Variants in GON4L observed in about 807,000 individuals in gnomAD.
The protein encoded by GON4L is GON-4-like protein.
In GON4L, 87 loss-of-function variants were observed where a neutral mutation model predicts 211.8. The ratio of observed to expected loss-of-function variants is 0.41; its 90% CI spans 0.35 to 0.49. GON4L has a LOEUF of 0.49. GON4L is among the 20% of genes least tolerant of loss of function. GON4L has a pLI of 0.15. For missense variants in GON4L, 2,155 were observed against 2,659.5 expected (o/e 0.81, Z 4.17); for synonymous variants, 875 against 962.6 (o/e 0.91, Z 1.68).
intron 15 of GON4L, 68 bp from the exon 16 acceptor site, chr1:155,776,549 C>T (rs1571703945): frequency 1.3e-6 from 1 of 782,112 alleles, no homozygotes; most frequent in East Asian, 3.3e-5. Context: ...CCAGAGAGAT[C>T]TTTTTTTTTT....
intron 4 of GON4L, 57 bp from the exon 5 acceptor site, chr1:155,821,605 T>G: frequency 1.0e-6 from 1 of 958,060 alleles, no homozygotes; most frequent in Non-Finnish European, 1.7e-6. Context: ...TAGACAATAC[T>G]CATCTCTCCA....
intron 12 of GON4L, among the ~76,000 whole-genome samples, chr1:155,788,258 G>A (rs1381569119): frequency 6.6e-6 from 1 of 152,136 alleles, no homozygotes; most frequent in East Asian, 1.9e-4. Flanking sequence ...ATCCCAAAGT[G>A]CTGGGATTAC....
At chr1:155,801,405 T>C (rs1301262830) in intron 11 of GON4L, among the ~76,000 whole-genome samples, 2 of 152,264 alleles carry the variant, frequency 1.3e-5, no homozygotes. Context: ...GAACTGATTC[T>C]ATACTTTGCA....
At chr1:155,799,952 G>A (rs1666467650) in intron 11 of GON4L, among the ~76,000 whole-genome samples, 1 of 152,222 alleles carries the variant, frequency 6.6e-6, no homozygotes, top group Admixed American at 6.5e-5. Context: ...TGTAGTCCCA[G>A]AACTTTGGGA....
chr1:155,785,973 G>C (rs1664901426), intron 12 of GON4L, among the ~76,000 whole-genome samples: 1 of 152,112 alleles, frequency 6.6e-6, no homozygotes. Context: ...GTGGGCGCCT[G>C]TAGTCCCAGC....
intron 14 of GON4L, among the ~76,000 whole-genome samples, chr1:155,779,835 T>C (rs1029477083): frequency 5.3e-5 from 8 of 151,274 alleles, no homozygotes; most frequent in Middle Eastern, 3.2e-3. Context: ...TCTTGCTCTG[T>C]CGCCCAGGCT....
intron 2 of GON4L, among the ~76,000 whole-genome samples, chr1:155,828,369 T>C (rs1669414856): frequency 6.6e-6 from 1 of 151,450 alleles, no homozygotes; most frequent in Admixed American, 6.6e-5. Flanking sequence ...CAGGCACCTG[T>C]AATCCCAGTT....
chr1:155,811,920 TGGG>T (rs1667827837), intron 10 of GON4L, among the ~76,000 whole-genome samples: 2 of 146,332 alleles, frequency 1.4e-5, no homozygotes, highest in African/African-American at 2.5e-5. Flanking sequence ...GGCGTGGTGG[TGGG>T]CACCTGTAAT....
At position 155,790,041 on chromosome 1, in the gene GON4L, G is replaced by T. The variant is rs188665300; in HGVS notation, c.1748-4667C>A. ...GCAACCTTGAACTTCTGGGCTCAAG[G>T]GATCCTCCTGACTCTGTCTCCAGAG... On this transcript the variant is annotated intron_variant, in intron 12 of 31. Transcript: ENST00000368331. Among the ~76,000 whole-genome samples the T allele has an allele frequency of 4.2e-4, 64 of 152,016 alleles. No homozygotes were observed. In the Middle Eastern group the frequency reaches 0.024, roughly 57 times the overall value.
At chr1:155,814,523 G>C (rs1323647461) in intron 8 of GON4L, 74 bp from the exon 9 acceptor site, 4 of 1,429,938 alleles carry the variant, frequency 2.8e-6, no homozygotes, top group Admixed American at 1.7e-5. Context: ...TATCTCAAGA[G>C]AAGGAATCAT....
At chr1:155,777,318 C>A (rs1377954610) in intron 15 of GON4L, among the ~76,000 whole-genome samples, 2 of 152,166 alleles carry the variant, frequency 1.3e-5, no homozygotes, top group African/African-American at 2.4e-5. Context: ...CAGTGGCTCA[C>A]GCCTGTAATC....
intron 15 of GON4L, among the ~76,000 whole-genome samples, chr1:155,777,134 T>A (rs1248335784): frequency 6.6e-6 from 1 of 152,246 alleles, no homozygotes; most frequent in Non-Finnish European, 1.5e-5. Flanking sequence ...TGTCCTTGTG[T>A]GCTCTCTTCC....
intron 10 of GON4L, among the ~76,000 whole-genome samples, chr1:155,805,417 G>C (rs1359799371): frequency 1.3e-5 from 2 of 151,274 alleles, no homozygotes; most frequent in Non-Finnish European, 2.9e-5. Flanking sequence ...TAATTGAAAG[G>C]ATTTTCATAT....
In GON4L at chr1:155,763,312, C is replaced by T. The variant is rs1368290385; in HGVS notation, c.4726G>A (p.Gly1576Arg). Residue 1576 changes from glycine (G) to arginine (R), a missense_variant and splice_region_variant, in exon 22 of 32, where the codon GGA becomes AGA. By Grantham distance (125) the Gly-to-Arg change is moderately radical (BLOSUM62 -2). This residue lies in a region of GON4L where 455 missense variants were observed against 504.6 expected (regional missense o/e 0.90). Coordinates refer to ENST00000368331, the MANE Select transcript of GON4L (RefSeq NM_001282860.2). ...PEVETSRTPP[G>R]ESIKAAGKGR... Reference sequence around the variant, plus strand: ...TTCAGTATAGGTTTGCCTAGCTCACCTGGTGGAGTTCTGCTGGTCTCCACT... The same window carrying T: ...TTCAGTATAGGTTTGCCTAGCTCACTTGGTGGAGTTCTGCTGGTCTCCACT... 6.2e-7 allele frequency: 1 copy of T among 1,613,828 alleles called. No individual in the cohort carries two copies. Among genetic ancestry groups the T allele is most frequent in the East Asian group, 2.2e-5 (1 of 44,868 alleles).
intron 2 of GON4L, among the ~76,000 whole-genome samples, chr1:155,838,555 A>G (rs141852638): frequency 3.2e-4 from 48 of 152,166 alleles, no homozygotes; most frequent in African/African-American, 1.1e-3. Context: ...CAGGTGGATC[A>G]CTTGAGGTCA....
At chr1:155,805,171 G>A (rs1254391345) in intron 10 of GON4L, 30 bp from the exon 11 acceptor site, 1 of 1,480,622 alleles carries the variant, frequency 6.8e-7, no homozygotes. Context: ...AAGTCACTGA[G>A]TGAGTGATGT....
At chr1:155,752,908 A>C (rs1421788884) in intron 29 of GON4L, among the ~76,000 whole-genome samples, 4 of 152,172 alleles carry the variant, frequency 2.6e-5, no homozygotes, top group African/African-American at 9.7e-5. Flanking sequence ...AGAACGGCCC[A>C]GTCTTTAGGA....
chr1:155,753,986 C>T (rs574963099), intron 28 of GON4L: 12 of 326,628 alleles, frequency 3.7e-5, no homozygotes, highest in East Asian at 8.2e-5. Context: ...TTAAATGGCC[C>T]CGAATAGAGT....
chr1:155,781,320 A>C (rs1664403011), intron 14 of GON4L, among the ~76,000 whole-genome samples: 1 of 150,962 alleles, frequency 6.6e-6, no homozygotes, highest in Admixed American at 6.6e-5. Context: ...TTTTTTTTGC[A>C]TTTTTAGTAG....
Sources: gnomAD v4.1 joint callset for allele counts (sites outside exome capture counted in the v4.1 genomes callset) on GRCh38, gnomAD v4.1.1 for gene constraint, gnomAD v4.1.1 regional missense constraint, MANE v1.5 for transcripts, NCBI Gene and HGNC (gene_info 2026-07-23, HGNC 2026-07-21) for gene names.